The following SLC39A14 variants were observed in gnomAD, a reference collection of about 807,000 sequenced individuals.
SLC39A14 encodes solute carrier family 39 member 14, also known as metal cation symporter ZIP14.
In SLC39A14, 19 loss-of-function variants were observed where a neutral mutation model predicts 45.5. The ratio of observed to expected loss-of-function variants is 0.42; its 90% confidence interval spans 0.29 to 0.61. The LOEUF (loss-of-function observed/expected upper bound fraction) is 0.61, where lower values mean the gene tolerates loss of function less well. SLC39A14 is among the 20% of genes least tolerant of loss of function. The pLI is 0.22. For synonymous variants in SLC39A14, 264 were observed against 251.3 expected, an observed-to-expected ratio of 1.05 and a Z score of -0.48; for missense variants, 447 against 616.5, an observed-to-expected ratio of 0.73 and a Z score of 2.91.
chr8:22,388,380 C>T (rs1833895391), intron 1 of SLC39A14, among the ~76,000 whole-genome samples: 3 of 151,780 alleles, frequency 2.0e-5, no homozygotes, highest in South Asian at 2.1e-4. Context: ...GAGATAGAAA[C>T]GTGTAGGGAT....
chr8:22,370,566 C>T (rs1033385954), intron 1 of SLC39A14, among the ~76,000 whole-genome samples: 2 of 152,104 alleles, frequency 1.3e-5, no homozygotes, highest in Non-Finnish European at 1.5e-5. Context: ...ATTGGTATTC[C>T]CGAGTCACAT....
Position 22,415,962 on chromosome 8 carries a change from G to C in SLC39A14, c.939+5G>C. The C allele has an allele frequency of 6.2e-7, 1 of 1,601,486 alleles. No homozygotes were observed. The highest frequency in any genetic ancestry group is 1.1e-5 in the South Asian group (1 of 90,300). On this transcript the variant is annotated splice_donor_5th_base_variant and intron_variant, in intron 6 of 8. Transcript: ENST00000381237. ...GTGGGCTCGCTCTCTGTGCAGGTCA[G>C]TGGGCCACCAGCTGCTTGGTGGAGC...
At position 22,433,856 on chromosome 8, in the gene SLC39A14, C is replaced by T. The variant is rs191491936; in HGVS notation, c.1333-35C>T. On this transcript the variant is annotated intron_variant, in intron 8 of 8. Coordinates refer to the SLC39A14 transcript ENST00000240095. ...GATTACAGGCGTGAGCCACTGCACT[C>T]GGCCATGTTTATGTTTTTGTTTTTG... 58 of 306,786 alleles carry T rather than the reference C, an allele frequency of 1.9e-4. No individual in the cohort carries two copies. The East Asian group carries it at 3.3e-3, about 17-fold the overall frequency. The allele number at this position is 306,786 out of a possible 1,614,324, so 19.0% of individuals were successfully genotyped here. A position where few individuals can be genotyped will look rare whatever the true frequency, so the allele number is the denominator to read the frequency against.
chr8:22,376,460 G>A lies in SLC39A14; in HGVS notation c.-16+9052G>A, dbSNP rs148574872. 5.0e-3 allele frequency among the ~76,000 whole-genome samples: 759 copies of A among 150,350 alleles called. 6 individuals are homozygous for A. Among genetic ancestry groups the A allele is most frequent in the African/African-American group, 0.018 (723 of 41,032 alleles). Reference sequence around the variant, plus strand: ...AGCCTCCCAAAGTGTTGGGATTATAGGCGTGAGCCACTGCACTCGGCCATG... The same window carrying A: ...AGCCTCCCAAAGTGTTGGGATTATAAGCGTGAGCCACTGCACTCGGCCATG... On this transcript the variant is annotated intron_variant, in intron 1 of 8. Coordinates refer to ENST00000381237, the MANE Select transcript of SLC39A14 (RefSeq NM_001128431.4).
At chr8:22,413,422 C>T (rs930417142) in intron 4 of SLC39A14, among the ~76,000 whole-genome samples, 2 of 152,162 alleles carry the variant, frequency 1.3e-5, no homozygotes, top group African/African-American at 2.4e-5. Context: ...AGCTCAACCC[C>T]ATGATTCTGT....
chr8:22,389,574 C>G (rs1341818931), intron 1 of SLC39A14, among the ~76,000 whole-genome samples: 1 of 152,090 alleles, frequency 6.6e-6, no homozygotes, highest in African/African-American at 2.4e-5. Flanking sequence ...TGCCTCGCTA[C>G]TGCTGCACAG....
chr8:22,383,020 G>A lies in SLC39A14; in HGVS notation c.-16+15612G>A, dbSNP rs562430866. Among the ~76,000 whole-genome samples, 34 of 152,090 alleles carry A rather than the reference G, an allele frequency of 2.2e-4. No homozygotes were observed. The East Asian group carries it at 5.8e-3, about 26-fold the overall frequency. On this transcript the variant is annotated intron_variant, in intron 1 of 8. Transcript: ENST00000381237. ...GGCGTGAGTCACCGCGGCCGGTGGC[G>A]GTGTTTTTCTTTTAGCCTGAGGATA...
In SLC39A14 at chr8:22,415,668, T is replaced by C. The variant is rs954250519; in HGVS notation, c.751-101T>C. 6 of 1,076,276 alleles carry C rather than the reference T, an allele frequency of 5.6e-6. No individual in the cohort carries two copies. The African/African-American group carries it at 9.6e-5, about 17-fold the overall frequency. The allele number at this position is 1,076,276 out of a possible 1,614,324, so 66.7% of individuals were successfully genotyped here. A position where few individuals can be genotyped will look rare whatever the true frequency, so the allele number is the denominator to read the frequency against. On this transcript the variant is annotated intron_variant, in intron 5 of 8. Coordinates refer to ENST00000381237, the MANE Select transcript of SLC39A14 (RefSeq NM_001128431.4). Reference sequence around the variant, plus strand: ...CTTGTGTCATCTTCGATGGTAAGGCTGAGGTCTTCCAGTGTGTGAAGCACT... The same window carrying C: ...CTTGTGTCATCTTCGATGGTAAGGCCGAGGTCTTCCAGTGTGTGAAGCACT...
At chr8:22,383,878 T>G (rs1586657143) in intron 1 of SLC39A14, among the ~76,000 whole-genome samples, 1 of 152,116 alleles carries the variant, frequency 6.6e-6, no homozygotes, top group Admixed American at 6.5e-5. Flanking sequence ...GGATACCAGG[T>G]CCCTGGGCAG....
chr8:22,414,873 T>C lies in SLC39A14; in HGVS notation c.721T>C (p.Leu241=). 6.2e-7 allele frequency: 1 copy of C among 1,613,332 alleles called. No individual in the cohort carries two copies. Among genetic ancestry groups the C allele is most frequent in the Non-Finnish European group, 8.5e-7 (1 of 1,179,810 alleles). Residue 241 remains leucine, a synonymous_variant, in exon 5 of 9, where the codon TTG becomes CTG. Coordinates refer to ENST00000381237, the MANE Select transcript of SLC39A14 (RefSeq NM_001128431.4). ...TCTTTTCTTTTTCACAGAGAAGATCTTGAAGATTCTTCTTAAGCAGAAAAA... is the reference window on the plus strand; with the variant it reads ...TCTTTTCTTTTTCACAGAGAAGATCCTGAAGATTCTTCTTAAGCAGAAAAA... ...FYLFFFTEKI[L]KILLKQKNEH...
At chr8:22,429,937 TAGA>T (rs1414655896) in intron 8 of SLC39A14, among the ~76,000 whole-genome samples, 11 of 152,274 alleles carry the variant, frequency 7.2e-5, no homozygotes, top group African/African-American at 2.6e-4. Flanking sequence ...TTTGTGACTG[TAGA>T]AGAATGTTCT....
chr8:22,431,233 T>G (rs967999075), intron 8 of SLC39A14, among the ~76,000 whole-genome samples: 8 of 151,512 alleles, frequency 5.3e-5, no homozygotes, highest in South Asian at 2.1e-4. Flanking sequence ...ATGATCCACC[T>G]GCCTCAGCCT....
rs779256467 is a variant in SLC39A14, at chr8:22,404,938, T to C, written c.228T>C (p.Gly76=). The change falls in exon 2 of 9, where the codon GGT becomes GGC. Residue 76 remains glycine, a synonymous_variant. Transcript: ENST00000381237. The part of the protein sequence containing the change: ...LNHLDVGVGR[G]NVTQHVQGHR... Reference sequence around the variant, plus strand: ...ACCTGGATGTGGGAGTGGGCCGGGGTAATGTCACCCAGCACGTGCAAGGAC... The same window carrying C: ...ACCTGGATGTGGGAGTGGGCCGGGGCAATGTCACCCAGCACGTGCAAGGAC... 43 of 1,613,996 alleles carry C rather than the reference T, an allele frequency of 2.7e-5. No individual in the cohort carries two copies. The highest frequency in any genetic ancestry group is 3.4e-5 in the Non-Finnish European group (40 of 1,180,008).
At chr8:22,404,637 G>C in intron 1 of SLC39A14, 59 bp from the exon 2 acceptor site, 6 of 1,534,254 alleles carry the variant, frequency 3.9e-6, no homozygotes, top group Non-Finnish European at 5.3e-6. Flanking sequence ...GGGCGGGCCT[G>C]GCGCAGTTGC....
At chr8:22,426,374 G>A (rs1186818140), downstream of SLC39A14, among the ~76,000 whole-genome samples, 1 of 151,992 alleles carries the variant, frequency 6.6e-6, no homozygotes, top group East Asian at 1.9e-4. Context: ...TTGATTTTTA[G>A]TGGAAAGGAG....
At position 22,404,877 on chromosome 8, in the gene SLC39A14, G is replaced by C; in HGVS notation, c.167G>C (p.Ser56Thr). Residue 56 changes from serine to threonine, a missense_variant, in exon 2 of 9, where the codon AGC becomes ACC. Ser to Thr is a moderately conservative substitution (Grantham distance 58, BLOSUM62 1). This residue lies in a region of SLC39A14 where 342 missense variants were observed against 428.1 expected (regional missense o/e 0.80). Coordinates refer to ENST00000381237, the MANE Select transcript of SLC39A14 (RefSeq NM_001128431.4). The stretch of plus-strand genomic sequence containing the variant: ...ATACATCGGTATGGCGAGGGTGACA[G>C]CCTCACTCTGCAGCAGCTGAAGGCC... ...DLIHRYGEGDSLTLQQLKALL... is the reference protein window; with the variant it reads ...DLIHRYGEGDTLTLQQLKALL... 1.2e-6 allele frequency: 2 copies of C among 1,614,176 alleles called. No homozygotes were observed. Among genetic ancestry groups the C allele is most frequent in the Non-Finnish European group, 1.7e-6 (2 of 1,180,014 alleles).
At chr8:22,433,443 A>G (rs1365307253) in intron 8 of SLC39A14, among the ~76,000 whole-genome samples, 1 of 151,926 alleles carries the variant, frequency 6.6e-6, no homozygotes, top group Non-Finnish European at 1.5e-5. Context: ...TATGACCTCA[A>G]ACTCCTGGGC....
chr8:22,398,727 C>T, intron 1 of SLC39A14: 1 of 985,438 alleles, frequency 1.0e-6, no homozygotes, highest in Non-Finnish European at 1.2e-6. Flanking sequence ...CTGAACATCA[C>T]AGAAGCGTCT....
chr8:22,426,120 G>A (rs1482330141), downstream of SLC39A14, among the ~76,000 whole-genome samples: 3 of 152,202 alleles, frequency 2.0e-5, no homozygotes, highest in Non-Finnish European at 4.4e-5. Context: ...TCGAACTCCC[G>A]ACCTCAGGTG....
Sources: gnomAD v4.1 joint callset for allele counts (sites outside exome capture counted in the v4.1 genomes callset) on GRCh38, gnomAD v4.1.1 for gene constraint, gnomAD v4.1.1 regional missense constraint, MANE v1.5 for transcripts, NCBI Gene and HGNC (gene_info 2026-07-23, HGNC 2026-07-21) for gene names.